The following CIMAP1D variants were observed in gnomAD, a reference collection of about 807,000 sequenced individuals.
CIMAP1D encodes the protein CIMAP1 family member D.
chr19:472,375 G>A, the CIMAP1D span: 52 of 1,393,440 alleles, frequency 3.7e-5, no homozygotes, highest in Middle Eastern at 5.6e-4. Flanking sequence ...GCCTCCAGCC[G>A]CCCACTCGCC....
chr19:482,846 C>T, the CIMAP1D span, among the ~76,000 whole-genome samples: 1 of 152,142 alleles, frequency 6.6e-6, no homozygotes, highest in African/African-American at 2.4e-5. Flanking sequence ...TACGAGCACC[C>T]CAGCCCCGCC....
the CIMAP1D span, among the ~76,000 whole-genome samples, chr19:473,231 T>C: frequency 1.0e-3 from 17 of 16,298 alleles, no homozygotes; most frequent in Admixed American, 4.1e-3. Context: ...CAGAGATACA[T>C]GGTCACAGAT....
chr19:474,451 C>T, the CIMAP1D span, among the ~76,000 whole-genome samples: 1 of 151,678 alleles, frequency 6.6e-6, no homozygotes, highest in Non-Finnish European at 1.5e-5. Flanking sequence ...CTCACGGCAA[C>T]CCCGTGTCCA....
At chr19:464,385 A>G in the CIMAP1D span, 2 of 1,428,412 alleles carry the variant, frequency 1.4e-6, no homozygotes, top group Admixed American at 4.0e-5. Flanking sequence ...GGGGAAGGAA[A>G]GGTGGCACTG....
the CIMAP1D span, among the ~76,000 whole-genome samples, chr19:490,781 T>A: frequency 2.0e-5 from 3 of 152,186 alleles, no homozygotes; most frequent in Non-Finnish European, 4.4e-5. Context: ...CTGACCAACA[T>A]GGGGAAACCC....
chr19:463,841 G>A, the CIMAP1D span: 32 of 1,606,134 alleles, frequency 2.0e-5, no homozygotes, highest in South Asian at 3.4e-4. Flanking sequence ...AAACAGGCCT[G>A]GCCTAGCAGC....
chr19:477,354 A>G, the CIMAP1D span, among the ~76,000 whole-genome samples: 1 of 152,154 alleles, frequency 6.6e-6, no homozygotes. Flanking sequence ...CGGGCGGATC[A>G]CTTGAGATCA....
the CIMAP1D span, among the ~76,000 whole-genome samples, chr19:485,105 C>T: frequency 6.4e-4 from 98 of 152,018 alleles, no homozygotes; most frequent in Middle Eastern, 0.014. Context: ...AGGGGAGGGT[C>T]CTGGAAGGGC....
chr19:475,823 G>A, the CIMAP1D span, among the ~76,000 whole-genome samples: 1 of 150,978 alleles, frequency 6.6e-6, no homozygotes. Context: ...ACCCAGCCTG[G>A]AGTGCGCTGG....
At chr19:475,393 C>T in the CIMAP1D span, among the ~76,000 whole-genome samples, 1 of 152,090 alleles carries the variant, frequency 6.6e-6, no homozygotes, top group Non-Finnish European at 1.5e-5. Flanking sequence ...GAGAGAAAGT[C>T]GTCAGTAAAT....
At chr19:485,560 C>A in the CIMAP1D span, among the ~76,000 whole-genome samples, 4 of 152,236 alleles carry the variant, frequency 2.6e-5, no homozygotes, top group African/African-American at 9.6e-5. Context: ...GAAGGGTGAT[C>A]AGAGAATGGT....
chr19:463,765 T>G, the CIMAP1D span: 1 of 1,526,760 alleles, frequency 6.5e-7, no homozygotes, highest in Non-Finnish European at 8.7e-7. Context: ...CCCTCTCGCC[T>G]TCTAGCCCCT....
At chr19:478,165 C>T in the CIMAP1D span, among the ~76,000 whole-genome samples, 1 of 152,202 alleles carries the variant, frequency 6.6e-6, no homozygotes, top group Non-Finnish European at 1.5e-5. Context: ...AGGCCCCAAC[C>T]TCCCTCGACC....
At chr19:467,276 G>T in the CIMAP1D span, among the ~76,000 whole-genome samples, 2 of 151,898 alleles carry the variant, frequency 1.3e-5, no homozygotes, top group Non-Finnish European at 2.9e-5. Context: ...GGGTGAGTGG[G>T]CAGGTGGATG....
chr19:472,647 G>T, the CIMAP1D span: 1 of 533,624 alleles, frequency 1.9e-6, no homozygotes, highest in Non-Finnish European at 3.3e-6. Flanking sequence ...GCTGCTGCCC[G>T]TCGGGGACAA....
At chr19:481,465 AAGGATGATGGG>A in the CIMAP1D span, among the ~76,000 whole-genome samples, 115 of 107,198 alleles carry the variant, frequency 1.1e-3, 2 homozygotes, top group African/African-American at 4.1e-3. Context: ...GGATGATGGG[AAGGATGATGGG>A]GAAGGATGAT....
the CIMAP1D span, among the ~76,000 whole-genome samples, chr19:484,139 C>CTTTTCT: frequency 1.5e-5 from 2 of 129,442 alleles, no homozygotes; most frequent in African/African-American, 5.7e-5. Context: ...TTTTCTTTTT[C>CTTTTCT]TTTTTTTTTT....
the CIMAP1D span, among the ~76,000 whole-genome samples, chr19:485,976 T>C: frequency 1.3e-5 from 2 of 152,092 alleles, no homozygotes; most frequent in African/African-American, 4.8e-5. Flanking sequence ...TGCCCGCCCC[T>C]TTGTTCCCGG....
chr19:466,125 G>C, the CIMAP1D span, among the ~76,000 whole-genome samples: 1 of 144,088 alleles, frequency 6.9e-6, no homozygotes, highest in African/African-American at 2.6e-5. Context: ...AGATGGGTGG[G>C]TGGGTGGATG....
Sources: allele counts gnomAD v4.1 joint callset (sites outside exome capture counted in the v4.1 genomes callset), GRCh38; gene constraint gnomAD v4.1.1; transcripts MANE v1.5; gene names NCBI Gene and HGNC (gene_info 2026-07-23, HGNC 2026-07-21).